PCDHGB2: variants seen among roughly 807,000 people sequenced by gnomAD.
The protein encoded by PCDHGB2 is protocadherin gamma-B2.
In PCDHGB2, 55 loss-of-function variants were observed where a neutral mutation model predicts 59.3. The ratio of observed to expected loss-of-function variants is 0.93; its 90% CI spans 0.75 to 1.16. PCDHGB2 has a LOEUF of 1.16. Ranked by LOEUF, PCDHGB2 falls within the 50% of genes most tolerant of loss-of-function variation. The pLI, the probability that PCDHGB2 is intolerant of heterozygous loss-of-function variation, is 0.00. For synonymous variants in PCDHGB2, 516 were observed against 512.0 expected (o/e 1.01, Z -0.11); for missense variants, 1,228 against 1,198.5 (o/e 1.02, Z -0.36).
At position 141,360,963 on chromosome 5, in the gene PCDHGB2, G is replaced by A. The variant is rs914860151; in HGVS notation, c.828G>A (p.Glu276=). 8 of 1,613,778 alleles carry A rather than the reference G, an allele frequency of 5.0e-6. No homozygotes were observed. Among genetic ancestry groups the A allele is most frequent in the Non-Finnish European group, 6.8e-6 (8 of 1,179,862 alleles). ...ACCGGGATGAAGGCATAAACGCAGA[G>A]ATCACCTACTCCTTTCATAATGTGG... ...ATDRDEGINA[E]ITYSFHNVDE... is the part of the protein sequence containing the mutation. Residue 276 remains glutamate, a synonymous_variant, in exon 1 of 4, where the codon GAG becomes GAA. Coordinates refer to ENST00000522605, the MANE Select transcript of PCDHGB2 (RefSeq NM_018923.3).
At chr5:141,413,117 C>T (rs902301902) in intron 1 of PCDHGB2, 42 of 1,509,002 alleles carry the variant, frequency 2.8e-5, no homozygotes, top group Non-Finnish European at 3.6e-5. Flanking sequence ...ACAAAGGAAC[C>T]GGTTGAAACA....
At chr5:141,469,790 T>G (rs956670031) in intron 1 of PCDHGB2, among the ~76,000 whole-genome samples, 2 of 152,224 alleles carry the variant, frequency 1.3e-5, no homozygotes, top group African/African-American at 4.8e-5. Context: ...GCGTTATTTG[T>G]AATTGCAAAA....
chr5:141,431,215 CCCTCTACCCCACG>C lies in PCDHGB2; in HGVS notation c.2422-63588_2422-63576del. The C allele has an allele frequency of 6.2e-7, 1 of 1,614,184 alleles. No homozygotes were observed. Among genetic ancestry groups the C allele is most frequent in the Non-Finnish European group, 8.5e-7 (1 of 1,180,048 alleles). On this transcript the variant is annotated intron_variant, in intron 1 of 3. Transcript: ENST00000522605. The surrounding 1 kb of genome is among the most constrained non-coding windows in gnomAD (Gnocchi z 4.8). ...AAAATGCAGCCACTGAGATGCGGTT[CCCTCTACCCCACG>C]CCTGGGATCCGGATATCGGGAAGAA... is the stretch of plus-strand genomic sequence containing the variant.
intron 1 of PCDHGB2, chr5:141,418,303 G>T: frequency 6.2e-7 from 1 of 1,614,032 alleles, no homozygotes; most frequent in Middle Eastern, 1.6e-4. Flanking sequence ...CCGTCAGCCT[G>T]GGGATGGGAA....
At chr5:141,406,116 AG>A (rs982166274) in intron 1 of PCDHGB2, among the ~76,000 whole-genome samples, 4 of 147,788 alleles carry the variant, frequency 2.7e-5, no homozygotes, top group African/African-American at 1.0e-4. Context: ...TCTGTTGTCC[AG>A]GGTGGAATGC....
At chr5:141,438,589 TAC>T (rs72335471) in intron 1 of PCDHGB2, among the ~76,000 whole-genome samples, 19,881 of 66,350 alleles carry the variant, frequency 0.3, 2,903 homozygotes, top group Admixed American at 0.41. Context: ...CATACATACA[TAC>T]ATATATATAT....
Position 141,360,993 on chromosome 5 carries a change from A to G in PCDHGB2, c.858A>G (p.Glu286=). The change falls in exon 1 of 4, where the codon GAA becomes GAG. Residue 286 remains glutamate, a synonymous_variant. Coordinates refer to ENST00000522605, the MANE Select transcript of PCDHGB2 (RefSeq NM_018923.3). ...CCTACTCCTTTCATAATGTGGACGA[A>G]CAAGTGAAACACTTTTTCAACTTAA... The part of the protein sequence containing the change: ...EITYSFHNVD[E]QVKHFFNLNE... 2 of 1,613,632 alleles carry G rather than the reference A, an allele frequency of 1.2e-6. No individual in the cohort carries two copies. Among genetic ancestry groups the G allele is most frequent in the Non-Finnish European group, 1.7e-6 (2 of 1,179,664 alleles).
chr5:141,375,007 C>T (rs369489853), intron 1 of PCDHGB2: 1 of 1,614,000 alleles, frequency 6.2e-7, no homozygotes, highest in African/African-American at 1.3e-5. Context: ...CAAATCTAGA[C>T]TATGAGGACT....
intron 1 of PCDHGB2, chr5:141,374,689 G>A (rs1337417637): frequency 1.2e-6 from 2 of 1,609,578 alleles, no homozygotes; most frequent in East Asian, 2.2e-5. Context: ...CACTGGACCG[G>A]GAAGGAGAAG....
At chr5:141,392,791 G>C in intron 1 of PCDHGB2, 6 of 1,557,838 alleles carry the variant, frequency 3.9e-6, no homozygotes, top group Admixed American at 2.0e-5. Context: ...AAGATTCTGA[G>C]AGGATTCTGC....
intron 1 of PCDHGB2, chr5:141,382,913 C>G: frequency 5.2e-6 from 8 of 1,553,234 alleles, no homozygotes; most frequent in Non-Finnish European, 7.0e-6. Context: ...GCGGCTCAGC[C>G]GAGGGGCGGG....
At chr5:141,371,563 T>C in intron 1 of PCDHGB2, 2 of 1,613,806 alleles carry the variant, frequency 1.2e-6, no homozygotes, top group Non-Finnish European at 1.7e-6. Flanking sequence ...AAAGGAAACT[T>C]CCCCTTTAAA....
chr5:141,383,612 A>C (rs1387363746), intron 1 of PCDHGB2: 1 of 1,613,690 alleles, frequency 6.2e-7, no homozygotes, highest in East Asian at 2.2e-5. Flanking sequence ...GTGAATGACC[A>C]CACGCCTGTC....
At position 141,431,363 on chromosome 5, in the gene PCDHGB2, C is replaced by T. The variant is rs765751691; in HGVS notation, c.2422-63444C>T. On this transcript the variant is annotated intron_variant, in intron 1 of 3. Transcript: ENST00000522605. The surrounding 1 kb of genome is among the most constrained non-coding windows in gnomAD (Gnocchi z 4.8). The stretch of plus-strand genomic sequence containing the variant: ...ATTGGTGCTGAAACGCGCCCTGGAC[C>T]GCGAAGAAAAGGCTGCTCACCACCT... 1 of 1,614,024 alleles carries T rather than the reference C, an allele frequency of 6.2e-7. No homozygotes were observed. The highest frequency in any genetic ancestry group is 2.2e-5 in the East Asian group (1 of 44,882).
intron 1 of PCDHGB2, among the ~76,000 whole-genome samples, chr5:141,451,703 A>G (rs975120935): frequency 6.6e-6 from 1 of 152,144 alleles, no homozygotes; most frequent in Non-Finnish European, 1.5e-5. Flanking sequence ...GTAACATGAC[A>G]AAACCCTGCC....
intron 1 of PCDHGB2, chr5:141,422,543 T>A: frequency 3.1e-6 from 5 of 1,614,000 alleles, no homozygotes; most frequent in Non-Finnish European, 4.2e-6. Flanking sequence ...GAAACTCATG[T>A]CTGGCTGAAT....
chr5:141,452,678 C>T (rs1311364057), intron 1 of PCDHGB2, among the ~76,000 whole-genome samples: 1 of 150,100 alleles, frequency 6.7e-6, no homozygotes, highest in African/African-American at 2.5e-5. Flanking sequence ...GCCTAGGCCA[C>T]AGAATGAAAC....
intron 1 of PCDHGB2, chr5:141,415,589 T>C: frequency 1.2e-6 from 2 of 1,614,062 alleles, no homozygotes; most frequent in Non-Finnish European, 1.7e-6. Flanking sequence ...AAGTTTCCTA[T>C]AGAGGATACC....
At chr5:141,423,169 C>G (rs747206648) in intron 1 of PCDHGB2, 2 of 1,613,460 alleles carry the variant, frequency 1.2e-6, no homozygotes, top group Admixed American at 3.3e-5. Context: ...GGTGGCCGTC[C>G]AGGACCACGG....
Sources: gnomAD v4.1 joint callset for allele counts (sites outside exome capture counted in the v4.1 genomes callset) on GRCh38, gnomAD v4.1.1 for gene constraint, Gnocchi (gnomAD v3.1) non-coding constraint, MANE v1.5 for transcripts, NCBI Gene and HGNC (gene_info 2026-07-23, HGNC 2026-07-21) for gene names.